The following FAM20A variants were observed in gnomAD, a reference collection of about 807,000 sequenced individuals.
FAM20A encodes pseudokinase FAM20A.
A neutral mutation model predicts 52.0 loss-of-function variants in FAM20A; 42 were observed. The observed-to-expected ratio is 0.81, with a 90% confidence interval of 0.63 to 1.04. The LOEUF (loss-of-function observed/expected upper bound fraction) is 1.04. FAM20A is among the 50% of genes least tolerant of loss of function. The pLI is 0.00. For synonymous variants in FAM20A, 304 were observed against 298.9 expected, an observed-to-expected ratio of 1.02 and a Z score of -0.18; for missense variants, 742 against 712.7, an observed-to-expected ratio of 1.04 and a Z score of -0.47.
intron 4 of FAM20A, 123 bp from the exon 5 acceptor site, chr17:68,543,844 G>A (rs780295348): frequency 4.8e-6 from 4 of 832,130 alleles, no homozygotes; most frequent in Non-Finnish European, 8.1e-6. Flanking sequence ...GTACACACAG[G>A]CGATGGCACG....
Position 68,540,916 on chromosome 17 carries a change from G to T in FAM20A, c.1152C>A (p.Ile384=). ...GCCGCTGGCTGTTGTTGTACGGGTAGATCTGTTTCACTGTGTCACAGTAAA... is the reference window on the plus strand; with the variant it reads ...GCCGCTGGCTGTTGTTGTACGGGTATATCTGTTTCACTGTGTCACAGTAAA... ...NPLYCDTVKQ[I]YPYNNSQRLL... Residue 384 remains isoleucine, a synonymous_variant, in exon 8 of 11, where the codon ATC becomes ATA. Transcript: ENST00000592554. 6.2e-7 allele frequency: 1 copy of T among 1,603,094 alleles called. No individual in the cohort carries two copies. The highest frequency in any genetic ancestry group is 1.1e-5 in the South Asian group (1 of 89,206).
intron 6 of FAM20A, among the ~76,000 whole-genome samples, chr17:68,542,415 T>C (rs1357016821): frequency 6.6e-6 from 1 of 152,192 alleles, no homozygotes; most frequent in Non-Finnish European, 1.5e-5. Context: ...GAACACTCTT[T>C]ATTACCCTGG....
intron 1 of FAM20A, among the ~76,000 whole-genome samples, chr17:68,586,492 C>A (rs949203488): frequency 6.6e-6 from 1 of 152,146 alleles, no homozygotes; most frequent in African/African-American, 2.4e-5. Flanking sequence ...TTTAGGTGGA[C>A]CTGATAGCCA....
intron 4 of FAM20A, among the ~76,000 whole-genome samples, chr17:68,549,442 C>T (rs1319065013): frequency 1.3e-5 from 2 of 149,848 alleles, no homozygotes; most frequent in East Asian, 2.0e-4. Flanking sequence ...TGCAGTGAGC[C>T]GAGATAGCGC....
chr17:68,554,971 C>G, intron 2 of FAM20A, 144 bp from the exon 3 acceptor site: 2 of 806,796 alleles, frequency 2.5e-6, no homozygotes, highest in East Asian at 5.2e-5. Context: ...CGTGGGAGGT[C>G]TCTTGGAGCC....
Position 68,536,062 on chromosome 17 carries a change from A to T in FAM20A, c.*1415T>A. 2.2e-6 allele frequency: 1 copy of T among 454,090 alleles called. No homozygotes were observed. The allele number at this position is 454,090 out of a possible 1,614,324, so 28.1% of individuals were successfully genotyped here. A position where few individuals can be genotyped will look rare whatever the true frequency, so the allele number is the denominator to read the frequency against. The stretch of plus-strand genomic sequence containing the variant: ...GCCTCACCTGGTCAGATCTCAGTGA[A>T]TGGTAGTGATTTTAGAGAGACACAA... On this transcript the variant is annotated 3_prime_UTR_variant, in exon 11 of 11. Transcript: ENST00000592554.
chr17:68,567,891 C>T (rs1157824916), intron 1 of FAM20A, among the ~76,000 whole-genome samples: 1 of 151,920 alleles, frequency 6.6e-6, no homozygotes, highest in Non-Finnish European at 1.5e-5. Flanking sequence ...CTCGCTCCCT[C>T]CTGCCACCTT....
chr17:68,542,924 C>T (rs2086375678), intron 5 of FAM20A, 115 bp from the exon 6 acceptor site: 8 of 792,502 alleles, frequency 1.0e-5, no homozygotes, highest in Middle Eastern at 3.0e-4. Flanking sequence ...GGAGGGTGGC[C>T]GGTGAGGCGT....
chr17:68,546,728 G>A (rs2086586231), intron 4 of FAM20A, among the ~76,000 whole-genome samples: 1 of 151,928 alleles, frequency 6.6e-6, no homozygotes, highest in South Asian at 2.1e-4. Flanking sequence ...CACTCGGGAG[G>A]CTGAGGCAGG....
intron 4 of FAM20A, among the ~76,000 whole-genome samples, chr17:68,549,456 T>C (rs1008913195): frequency 6.7e-6 from 1 of 149,758 alleles, no homozygotes; most frequent in South Asian, 2.1e-4. Flanking sequence ...ATAGCGCCAC[T>C]GCACTCCAGC....
At chr17:68,538,213 TGTGGTAGGA>T (rs2086152203) in intron 10 of FAM20A, among the ~76,000 whole-genome samples, 1 of 152,220 alleles carries the variant, frequency 6.6e-6, no homozygotes, top group African/African-American at 2.4e-5. Context: ...GAGATGAAAA[TGTGGTAGGA>T]CCCATCTTTA....
At chr17:68,589,597 A>G (rs2088247027) in intron 1 of FAM20A, among the ~76,000 whole-genome samples, 1 of 152,186 alleles carries the variant, frequency 6.6e-6, no homozygotes. Context: ...GGGTTTGGGC[A>G]CATCAATTTT....
Position 68,600,610 on chromosome 17 carries a change from G to T in FAM20A, c.57C>A (p.Leu19=). ...AGAGGTGGAAGTAGAGGTCGGCGGA[G>T]AGCAGCGCGCCCAGCAGCAGCAGAG... is the stretch of plus-strand genomic sequence containing the variant. ...LLTLLLLGAL[L]SADLYFHLWP... Residue 19 remains leucine (L), a synonymous_variant, in exon 1 of 11, where the codon CTC becomes CTA. Coordinates refer to ENST00000592554, the MANE Select transcript of FAM20A (RefSeq NM_017565.4). The surrounding 1 kb of genome is among the most constrained non-coding windows in gnomAD (Gnocchi z 6.2). 1 of 1,563,466 alleles carries T rather than the reference G, an allele frequency of 6.4e-7. No homozygotes were observed. Among genetic ancestry groups the T allele is most frequent in the East Asian group, 2.3e-5 (1 of 42,804 alleles).
Position 68,585,650 on chromosome 17 carries a change from A to G in FAM20A, c.404+14613T>C, listed in dbSNP as rs182242203. On this transcript the variant is annotated intron_variant, in intron 1 of 10. Coordinates refer to ENST00000592554, the MANE Select transcript of FAM20A (RefSeq NM_017565.4). ...AGCCCTGCTGAAAAAATCCAGGTTC[A>G]TGGAGGGCTGCCCAAAGAATGTGCC... 9.8e-4 allele frequency among the ~76,000 whole-genome samples: 150 copies of G among 152,290 alleles called. 2 individuals carry two copies. The highest frequency in any genetic ancestry group is 3.5e-3 in the African/African-American group (146 of 41,556).
At chr17:68,563,829 A>G (rs1466239978) in intron 1 of FAM20A, among the ~76,000 whole-genome samples, 1 of 152,200 alleles carries the variant, frequency 6.6e-6, no homozygotes, top group Non-Finnish European at 1.5e-5. Flanking sequence ...ACCACCTCAG[A>G]TGTCTCCATC....
chr17:68,600,615 G>T lies in FAM20A; in HGVS notation c.52C>A (p.Leu18Met), dbSNP rs1411698453. 32 of 1,563,188 alleles carry T rather than the reference G, an allele frequency of 2.0e-5. No individual in the cohort carries two copies. Among genetic ancestry groups the T allele is most frequent in the Non-Finnish European group, 2.7e-5 (31 of 1,158,578 alleles). ...RLLTLLLLGA[L>M]LSADLYFHLW... is the part of the protein sequence containing the mutation. ...TGGAAGTAGAGGTCGGCGGAGAGCA[G>T]CGCGCCCAGCAGCAGCAGAGTCAGT... Residue 18 changes from leucine to methionine, a missense_variant, in exon 1 of 11, where the codon CTG (leucine) becomes ATG (methionine). Physicochemically the swap from Leu to Met is conservative, Grantham distance 15. Coordinates refer to ENST00000592554, the MANE Select transcript of FAM20A (RefSeq NM_017565.4). This position sits in a 1 kb window ranked among gnomAD's most constrained non-coding sequence, Gnocchi z 6.2.
At position 68,551,620 on chromosome 17, in the gene FAM20A, A is replaced by G. The variant is rs143220201; in HGVS notation, c.719+253T>C. 2.7e-3 allele frequency among the ~76,000 whole-genome samples: 403 copies of G among 152,048 alleles called. 5 individuals carry two copies. Among genetic ancestry groups the G allele is most frequent in the Non-Finnish European group, 2.2e-3 (153 of 68,002 alleles). ...ATAAGCTTGCCCGTGAACCAAGGAC[A>G]CAACTTAGGTCATTGTGTGGCATAG... On this transcript the variant is annotated intron_variant, in intron 4 of 10. Transcript: ENST00000592554.
At position 68,537,430 on chromosome 17, in the gene FAM20A, C is replaced by T. The variant is rs2086125759; in HGVS notation, c.*47G>A. ...GACGCAGGGTCGGCACTCGAGTCGACTGCTCTGGCTCCAGGCGTATTTTCT... is the reference window on the plus strand; with the variant it reads ...GACGCAGGGTCGGCACTCGAGTCGATTGCTCTGGCTCCAGGCGTATTTTCT... On this transcript the variant is annotated 3_prime_UTR_variant, in exon 11 of 11. Transcript: ENST00000592554. The surrounding 1 kb of genome is among the most constrained non-coding windows in gnomAD (Gnocchi z 4.2). 2.5e-6 allele frequency: 4 copies of T among 1,612,788 alleles called. No individual in the cohort carries two copies. Among genetic ancestry groups the T allele is most frequent in the Non-Finnish European group, 3.4e-6 (4 of 1,179,568 alleles).
In FAM20A at chr17:68,539,879, G is replaced by A; in HGVS notation, c.1301+6C>T. On this transcript the variant is annotated splice_donor_region_variant and intron_variant, in intron 9 of 10. Coordinates refer to ENST00000592554, the MANE Select transcript of FAM20A (RefSeq NM_017565.4). Reference sequence around the variant, plus strand: ...GGGATTGTTGAACACACGTGGGGAAGCTCACCCTCTGGCGTTGTCAAGGTG... The same window carrying A: ...GGGATTGTTGAACACACGTGGGGAAACTCACCCTCTGGCGTTGTCAAGGTG... 6.2e-7 allele frequency: 1 copy of A among 1,613,742 alleles called. No homozygotes were observed. The highest frequency in any genetic ancestry group is 8.5e-7 in the Non-Finnish European group (1 of 1,179,658).
Sources: allele counts gnomAD v4.1 joint callset (sites outside exome capture counted in the v4.1 genomes callset), GRCh38; gene constraint gnomAD v4.1.1; non-coding constraint Gnocchi (gnomAD v3.1); transcripts MANE v1.5; gene names NCBI Gene and HGNC (gene_info 2026-07-23, HGNC 2026-07-21).